Variants in RAB32 observed in about 807,000 individuals in gnomAD.
The protein encoded by RAB32 is RAB32, member RAS oncogene family.
A neutral mutation model predicts 17.5 loss-of-function variants in RAB32; 17 were observed. The ratio of observed to expected loss-of-function variants is 0.97; its 90% CI spans 0.67 to 1.46. The LOEUF (loss-of-function observed/expected upper bound fraction) is 1.46. RAB32 is among the 40% of genes most tolerant of loss of function. RAB32 has a pLI of 0.00. For missense variants in RAB32, 288 were observed against 284.3 expected (o/e 1.01, Z -0.09); for synonymous variants, 115 against 111.1 (o/e 1.04, Z -0.22).
intron 1 of RAB32, among the ~76,000 whole-genome samples, chr6:146,547,145 A>C (rs1028374654): frequency 6.6e-6 from 1 of 152,166 alleles, no homozygotes; most frequent in Non-Finnish European, 1.5e-5. Context: ...CACTTTACAG[A>C]GATCTTAATA....
chr6:146,549,542 G>C lies in RAB32; in HGVS notation c.329G>C (p.Arg110Thr), dbSNP rs749999404. 4 of 1,614,150 alleles carry C rather than the reference G, an allele frequency of 2.5e-6. No homozygotes were observed. In the South Asian group the frequency reaches 4.4e-5, roughly 18 times the overall value. Residue 110 changes from arginine to threonine, a missense_variant, in exon 2 of 3, where the codon AGA becomes ACA. Coordinates refer to ENST00000367495, the MANE Select transcript of RAB32 (RefSeq NM_006834.5). The stretch of plus-strand genomic sequence containing the variant: ...GCTTTTGTAGTCTTTGATATATCAA[G>C]AAGTTCCACATTTGAGGCAGTCTTA... ...VGAFVVFDIS[R>T]SSTFEAVLKW...
intron 1 of RAB32, among the ~76,000 whole-genome samples, 169 bp from the exon 2 acceptor site, chr6:146,549,295 G>A (rs1230173232): frequency 1.3e-5 from 2 of 152,182 alleles, no homozygotes; most frequent in East Asian, 3.8e-4. Flanking sequence ...AGACACATCT[G>A]CTCTATGGGT....
chr6:146,554,732 C>T lies in RAB32; in HGVS notation c.*127C>T. ...CTTCAAAAGGCAGCACCACTGGGCG[C>T]CTGCACTTATTTGAAAATGGAACTT... On this transcript the variant is annotated 3_prime_UTR_variant, in exon 3 of 3. Transcript: ENST00000367495. The T allele has an allele frequency of 2.0e-6, 2 of 1,006,556 alleles. No individual in the cohort carries two copies. Among genetic ancestry groups the T allele is most frequent in the East Asian group, 2.6e-5 (1 of 38,682 alleles). 62.4% of individuals were successfully genotyped at this position (1,006,556 alleles called of 1,614,324 possible).
At chr6:146,551,559 T>A (rs1473198683) in intron 2 of RAB32, among the ~76,000 whole-genome samples, 1 of 150,590 alleles carries the variant, frequency 6.6e-6, no homozygotes, top group Non-Finnish European at 1.5e-5. Context: ...ATTGGGTGAT[T>A]TGCTCTACTT....
intron 1 of RAB32, 36 bp downstream of exon 1, chr6:146,544,157 C>G: frequency 1.9e-6 from 3 of 1,571,826 alleles, no homozygotes; most frequent in Non-Finnish European, 8.6e-7. Context: ...TCCAGAGCCC[C>G]GCCGGGCCGC....
Position 146,549,589 on chromosome 6 carries a change from A to G in RAB32, c.376A>G (p.Ser126Gly). ...AVLKWKSDLD[S>G]KVHLPNGSPI... ...CTTAAAATGGAAAAGTGATCTGGATAGTAAAGTTCATCTTCCAAATGGCAG... is the reference window on the plus strand; with the variant it reads ...CTTAAAATGGAAAAGTGATCTGGATGGTAAAGTTCATCTTCCAAATGGCAG... Residue 126 changes from serine to glycine, a missense_variant, in exon 2 of 3, where the codon AGT (serine) becomes GGT (glycine). Ser to Gly is a moderately conservative substitution (Grantham distance 56). Coordinates refer to ENST00000367495, the MANE Select transcript of RAB32 (RefSeq NM_006834.5). 1 of 1,614,206 alleles carries G rather than the reference A, an allele frequency of 6.2e-7. No homozygotes were observed. The highest frequency in any genetic ancestry group is 1.3e-5 in the African/African-American group (1 of 75,058).
chr6:146,544,214 T>G, intron 1 of RAB32, 93 bp downstream of exon 1: 1 of 1,439,560 alleles, frequency 6.9e-7, no homozygotes, highest in Non-Finnish European at 9.2e-7. Flanking sequence ...CCTGAACTCG[T>G]CTGCCTGGGT....
intron 2 of RAB32, among the ~76,000 whole-genome samples, chr6:146,552,882 G>T (rs371805864): frequency 3.9e-5 from 6 of 152,276 alleles, no homozygotes; most frequent in African/African-American, 1.4e-4. Flanking sequence ...CTTACAAAAT[G>T]ATGGGGACAT....
chr6:146,554,290 C>CT (rs1286670117), intron 2 of RAB32, among the ~76,000 whole-genome samples, 166 bp from the exon 3 acceptor site: 1 of 152,146 alleles, frequency 6.6e-6, no homozygotes, highest in Non-Finnish European at 1.5e-5. Flanking sequence ...CCACATTATT[C>CT]TTTAACATTC....
chr6:146,544,500 A>G (rs1779796831), intron 1 of RAB32, among the ~76,000 whole-genome samples: 1 of 152,016 alleles, frequency 6.6e-6, no homozygotes, highest in Non-Finnish European at 1.5e-5. Context: ...TCAAGTTCAG[A>G]GGGATTGGGT....
chr6:146,549,646 T>C lies in RAB32; in HGVS notation c.433T>C (p.Cys145Arg). The C allele has an allele frequency of 1.2e-6, 2 of 1,614,186 alleles. No individual in the cohort carries two copies. Among genetic ancestry groups the C allele is most frequent in the Non-Finnish European group, 1.7e-6 (2 of 1,180,016 alleles). Residue 145 changes from cysteine (C) to arginine (R), a missense_variant, in exon 2 of 3, where the codon TGT (cysteine) becomes CGT (arginine). Physicochemically the swap from Cys to Arg is radical, Grantham distance 180. Transcript: ENST00000367495. ...PIPAVLLANK[C>R]DQNKDSSQSP... ...CCCTGCTGTCCTCTTGGCTAACAAA[T>C]GTGACCAGAACAAGGACAGTAGCCA...
At position 146,554,782 on chromosome 6, in the gene RAB32, C is replaced by A; in HGVS notation, c.*177C>A. The A allele has an allele frequency of 1.9e-6, 1 of 539,566 alleles. No homozygotes were observed. Among genetic ancestry groups the A allele is most frequent in the South Asian group, 3.3e-5 (1 of 30,042 alleles). 33.4% of individuals were successfully genotyped at this position (539,566 alleles called of 1,614,324 possible). A position where few individuals can be genotyped will look rare whatever the true frequency, so the allele number is the denominator to read the frequency against. ...TTGGGAGAAGTATCCCTGCTAGTGG[C>A]TCTGTAACTTAACAGATGACAATTA... On this transcript the variant is annotated 3_prime_UTR_variant, in exon 3 of 3. Coordinates refer to ENST00000367495, the MANE Select transcript of RAB32 (RefSeq NM_006834.5).
chr6:146,544,261 A>G, intron 1 of RAB32, 140 bp downstream of exon 1: 1 of 1,182,768 alleles, frequency 8.5e-7, no homozygotes, highest in Non-Finnish European at 1.1e-6. Flanking sequence ...TCCAAGGGCG[A>G]GATGCGATGG....
rs1410554216 is a variant in RAB32, at chr6:146,554,447, G to C, written c.529-9G>C. The C allele has an allele frequency of 6.3e-7, 1 of 1,596,428 alleles. No individual in the cohort carries two copies. Among genetic ancestry groups the C allele is most frequent in the African/African-American group, 1.4e-5 (1 of 73,480 alleles). ...AAAATTAATCCCGTTCTTCATTTCT[G>C]CATTACAGGATAACATAAACATAGA... is the stretch of plus-strand genomic sequence containing the variant. On this transcript the variant is annotated splice_polypyrimidine_tract_variant and intron_variant, in intron 2 of 2. Transcript: ENST00000367495.
At chr6:146,545,683 A>C (rs991345756) in intron 1 of RAB32, among the ~76,000 whole-genome samples, 1 of 152,200 alleles carries the variant, frequency 6.6e-6, no homozygotes, top group East Asian at 1.9e-4. Flanking sequence ...TTTGTTACCA[A>C]AAACCAAAAG....
intron 1 of RAB32, among the ~76,000 whole-genome samples, chr6:146,548,021 C>A (rs999441465): frequency 1.3e-5 from 2 of 152,094 alleles, no homozygotes; most frequent in African/African-American, 4.8e-5. Flanking sequence ...TGAATCATTT[C>A]AATGCATATA....
In RAB32 at chr6:146,554,628, T is replaced by C. The variant is rs761147515; in HGVS notation, c.*23T>C. ...TGATATATGGCTTCTGCTTCTCTTG[T>C]GTGTGCCTCAGCTCTGAAGAAGTTC... On this transcript the variant is annotated 3_prime_UTR_variant, in exon 3 of 3. Transcript: ENST00000367495. 1.9e-6 allele frequency: 3 copies of C among 1,601,552 alleles called. No homozygotes were observed. The Admixed American group carries it at 5.2e-5, about 28-fold the overall frequency.
At chr6:146,546,696 A>G (rs1224636462) in intron 1 of RAB32, among the ~76,000 whole-genome samples, 1 of 152,084 alleles carries the variant, frequency 6.6e-6, no homozygotes, top group African/African-American at 2.4e-5. Context: ...TTCTCAAATA[A>G]TAGAAATATT....
intron 1 of RAB32, 33 bp from the exon 2 acceptor site, chr6:146,549,431 A>G (rs755434149): frequency 6.3e-7 from 1 of 1,583,640 alleles, no homozygotes; most frequent in Admixed American, 1.8e-5. Context: ...TCTGAATTAC[A>G]AGTTTTTAAT....
Sources: gnomAD v4.1 joint callset for allele counts (sites outside exome capture counted in the v4.1 genomes callset) on GRCh38, gnomAD v4.1.1 for gene constraint, MANE v1.5 for transcripts, NCBI Gene and HGNC (gene_info 2026-07-23, HGNC 2026-07-21) for gene names.